Variants in CDK5RAP2 observed in about 807,000 individuals in gnomAD.
CDK5RAP2 encodes the protein CDK5 regulatory subunit associated protein 2.
A neutral mutation model predicts 232.9 loss-of-function variants in CDK5RAP2; 147 were observed. That is an observed-to-expected ratio of 0.63 (90% CI 0.55 to 0.72). The LOEUF is 0.72. Ranked by LOEUF, CDK5RAP2 falls within the 30% of genes least tolerant of loss-of-function variation. The probability of loss-of-function intolerance (pLI) is 0.00; values close to 1 mark genes in which losing one functional copy is unlikely to be tolerated. For missense variants in CDK5RAP2, 2,195 were observed against 2,231.5 expected, an observed-to-expected ratio of 0.98 and a Z score of 0.33; for synonymous variants, 833 against 833.7, an observed-to-expected ratio of 1.00 and a Z score of 0.01.
intron 25 of CDK5RAP2, among the ~76,000 whole-genome samples, chr9:120,424,909 C>A (rs1222597068): frequency 1.3e-5 from 2 of 152,074 alleles, no homozygotes; most frequent in African/African-American, 4.8e-5. Context: ...GCTGGCCAGG[C>A]TTGTTTCAAA....
At position 120,528,434 on chromosome 9, in the gene CDK5RAP2, C is replaced by T. The variant is rs147357043; in HGVS notation, c.879+310G>A. ...ACCACACAAATGCCTCCTGCTGTGA[C>T]AGAGGAACCATGGCACATGGGCAGG... On this transcript the variant is annotated intron_variant, in intron 9 of 37. Coordinates refer to ENST00000349780, the MANE Select transcript of CDK5RAP2 (RefSeq NM_018249.6). 3.4e-3 allele frequency among the ~76,000 whole-genome samples: 512 copies of T among 152,334 alleles called. 6 individuals carry two copies. Among genetic ancestry groups the T allele is most frequent in the African/African-American group, 0.012 (481 of 41,560 alleles).
intron 36 of CDK5RAP2, among the ~76,000 whole-genome samples, chr9:120,390,772 C>G (rs2031880729): frequency 6.6e-6 from 1 of 152,232 alleles, no homozygotes; most frequent in Admixed American, 6.5e-5. Context: ...ACTCAACGCC[C>G]AACACACATA....
chr9:120,555,585 G>A (rs1031158168), intron 3 of CDK5RAP2, among the ~76,000 whole-genome samples: 3 of 152,134 alleles, frequency 2.0e-5, no homozygotes, highest in African/African-American at 7.2e-5. Context: ...TAGAATAAAT[G>A]GTGTTCTCAT....
chr9:120,563,664 G>C (rs1328367859), intron 3 of CDK5RAP2, among the ~76,000 whole-genome samples: 2 of 152,200 alleles, frequency 1.3e-5, no homozygotes, highest in Admixed American at 6.5e-5. Flanking sequence ...GCAGGGCCAA[G>C]CCTGAAACCC....
intron 25 of CDK5RAP2, among the ~76,000 whole-genome samples, chr9:120,436,232 T>A (rs923032638): frequency 9.2e-5 from 14 of 152,150 alleles, no homozygotes; most frequent in Non-Finnish European, 8.8e-5. Context: ...GCCAATCTAA[T>A]CTAACCAATT....
intron 13 of CDK5RAP2, among the ~76,000 whole-genome samples, chr9:120,489,715 T>C (rs1341504117): frequency 6.6e-6 from 1 of 152,196 alleles, no homozygotes; most frequent in East Asian, 1.9e-4. Context: ...CCTGAAATGT[T>C]TGGATTTTTA....
intron 25 of CDK5RAP2, among the ~76,000 whole-genome samples, chr9:120,427,280 T>C (rs1222529466): frequency 3.3e-5 from 5 of 152,204 alleles, no homozygotes; most frequent in African/African-American, 4.8e-5. Context: ...AAAAAATCCA[T>C]AATGTTTTAA....
chr9:120,455,348 C>T (rs1384077137), intron 20 of CDK5RAP2, among the ~76,000 whole-genome samples: 1 of 137,740 alleles, frequency 7.3e-6, no homozygotes, highest in Admixed American at 7.9e-5. Context: ...AGGGAAGAAA[C>T]GAAGAGTCCT....
intron 13 of CDK5RAP2, among the ~76,000 whole-genome samples, chr9:120,488,198 C>T (rs766046396): frequency 1.2e-4 from 19 of 152,276 alleles, no homozygotes; most frequent in South Asian, 4.1e-4. Flanking sequence ...CATCTTATTC[C>T]TAAGCACCTA....
At chr9:120,450,237 T>C (rs1294837543) in intron 21 of CDK5RAP2, among the ~76,000 whole-genome samples, 2 of 152,202 alleles carry the variant, frequency 1.3e-5, no homozygotes, top group African/African-American at 4.8e-5. Flanking sequence ...GTATGCTAAG[T>C]GGAAGAAGCC....
rs116412394 is a variant in CDK5RAP2, at chr9:120,499,091, A to G, written c.1312-7614T>C. Among the ~76,000 whole-genome samples, 620 of 152,342 alleles carry G rather than the reference A, an allele frequency of 4.1e-3. 3 individuals carry two copies. The highest frequency in any genetic ancestry group is 0.014 in the African/African-American group (578 of 41,578). On this transcript the variant is annotated intron_variant, in intron 12 of 37. Coordinates refer to ENST00000349780, the MANE Select transcript of CDK5RAP2 (RefSeq NM_018249.6). ...TTATTTCAAACAATTGTTTTTAATG[A>G]GACAATCAGGGAAATCTAAACATTT...
At chr9:120,461,212 T>G (rs2037070113) in intron 18 of CDK5RAP2, among the ~76,000 whole-genome samples, 1 of 152,246 alleles carries the variant, frequency 6.6e-6, no homozygotes, top group South Asian at 2.1e-4. Context: ...ACACTGTCAT[T>G]TTGCTGACAG....
chr9:120,407,087 C>T lies in CDK5RAP2; in HGVS notation c.4888G>A (p.Ala1630Thr), dbSNP rs1266196716. 6 of 1,613,996 alleles carry T rather than the reference C, an allele frequency of 3.7e-6. No homozygotes were observed. In the Admixed American group the frequency reaches 5.0e-5, roughly 13 times the overall value. ...KEQLARGAEK[A>T]QEGALTLAVQ... ...GCCAGAGTGAGGGCTCCTTCCTGTG[C>T]CTTCTCTGCCCCCCTTGCCAGCTGT... Residue 1630 changes from alanine to threonine, a missense_variant, in exon 32 of 38, where the codon GCA becomes ACA. Physicochemically the swap from Ala to Thr is moderately conservative, Grantham distance 58 (BLOSUM62 0). Coordinates refer to ENST00000349780, the MANE Select transcript of CDK5RAP2 (RefSeq NM_018249.6).
chr9:120,558,034 G>A (rs912893723), intron 3 of CDK5RAP2, among the ~76,000 whole-genome samples: 5 of 146,146 alleles, frequency 3.4e-5, no homozygotes, highest in Admixed American at 6.8e-5. Flanking sequence ...CCAAAGTGCT[G>A]GGATTACAGG....
chr9:120,500,291 T>C (rs759617859), intron 12 of CDK5RAP2, among the ~76,000 whole-genome samples: 35 of 152,206 alleles, frequency 2.3e-4, no homozygotes, highest in Non-Finnish European at 3.2e-4. Flanking sequence ...AAGTTTTTTT[T>C]TTCTAACTTC....
At chr9:120,428,441 A>T (rs374244901) in intron 25 of CDK5RAP2, among the ~76,000 whole-genome samples, 1 of 152,152 alleles carries the variant, frequency 6.6e-6, no homozygotes, top group African/African-American at 2.4e-5. Context: ...ACCGATCCCA[A>T]AGAAATACAA....
intron 12 of CDK5RAP2, among the ~76,000 whole-genome samples, chr9:120,494,099 A>C: frequency 6.6e-6 from 1 of 152,062 alleles, no homozygotes; most frequent in Admixed American, 6.5e-5. Flanking sequence ...TTAAAAAAAA[A>C]AAAAAAAAAA....
chr9:120,479,964 G>A (rs1180495804), intron 14 of CDK5RAP2, among the ~76,000 whole-genome samples: 1 of 152,062 alleles, frequency 6.6e-6, no homozygotes, highest in Non-Finnish European at 1.5e-5. Context: ...ACATTCAGAG[G>A]GGACAAGGCT....
At chr9:120,536,752 T>G (rs896498847) in intron 6 of CDK5RAP2, 1 of 600,764 alleles carries the variant, frequency 1.7e-6, no homozygotes, top group Non-Finnish European at 3.0e-6. Flanking sequence ...AAGACTCAAC[T>G]CTGTAAGAAC....
Sources: gnomAD v4.1 joint callset for allele counts (sites outside exome capture counted in the v4.1 genomes callset) on GRCh38, gnomAD v4.1.1 for gene constraint, MANE v1.5 for transcripts, NCBI Gene and HGNC (gene_info 2026-07-23, HGNC 2026-07-21) for gene names.